Variants in LRPPRC observed in about 807,000 individuals in gnomAD.
LRPPRC encodes the protein leucine rich pentatricopeptide repeat containing, also known as leucine-rich PPR motif-containing protein, mitochondrial.
In LRPPRC, 120 loss-of-function variants were observed where a neutral mutation model predicts 180.3. That is an observed-to-expected ratio of 0.67 (90% CI 0.57 to 0.77). The LOEUF is 0.77. Ranked by LOEUF, LRPPRC falls within the 30% of genes least tolerant of loss-of-function variation. LRPPRC has a pLI of 0.00. For synonymous variants in LRPPRC, 723 were observed against 600.0 expected (o/e 1.21, Z -3.00); for missense variants, 2,012 against 1,657.2 (o/e 1.21, Z -3.72).
intron 14 of LRPPRC, among the ~76,000 whole-genome samples, chr2:43,955,739 A>G (rs1356509451): frequency 6.6e-6 from 1 of 152,152 alleles, no homozygotes; most frequent in Non-Finnish European, 1.5e-5. Flanking sequence ...CCCTATCTCA[A>G]AAAAAGAAAC....
intron 2 of LRPPRC, among the ~76,000 whole-genome samples, chr2:43,981,818 G>A (rs186711077): frequency 1.6e-4 from 24 of 152,214 alleles, no homozygotes; most frequent in Admixed American, 1.2e-3. Flanking sequence ...TTACCCTCAA[G>A]TATTTATTTA....
chr2:43,908,133 G>A (rs1031147225), intron 30 of LRPPRC, among the ~76,000 whole-genome samples: 1 of 152,114 alleles, frequency 6.6e-6, no homozygotes, highest in Admixed American at 6.5e-5. Flanking sequence ...GAAGCCAAGA[G>A]GAACGACAGA....
At chr2:43,943,126 G>C (rs926237401) in intron 23 of LRPPRC, among the ~76,000 whole-genome samples, 5 of 152,158 alleles carry the variant, frequency 3.3e-5, no homozygotes, top group African/African-American at 1.2e-4. Flanking sequence ...AAAATAGACT[G>C]ACTTTATGAT....
At chr2:43,940,808 C>T (rs1297076683) in intron 23 of LRPPRC, among the ~76,000 whole-genome samples, 1 of 152,150 alleles carries the variant, frequency 6.6e-6, no homozygotes, top group African/African-American at 2.4e-5. Flanking sequence ...ACTCTTTTAA[C>T]CTATTTTAAA....
chr2:43,991,583 G>A (rs901649715), intron 1 of LRPPRC, among the ~76,000 whole-genome samples: 1 of 152,144 alleles, frequency 6.6e-6, no homozygotes, highest in African/African-American at 2.4e-5. Context: ...AAGCAGCTCT[G>A]ATCCAGAAAT....
chr2:43,969,328 C>T (rs907810408), intron 11 of LRPPRC, among the ~76,000 whole-genome samples: 6 of 151,360 alleles, frequency 4.0e-5, no homozygotes, highest in African/African-American at 7.3e-5. Flanking sequence ...AGGAGAATGG[C>T]GTGAACCCAG....
chr2:43,891,838 G>A (rs1448209820), intron 36 of LRPPRC, among the ~76,000 whole-genome samples: 1 of 152,248 alleles, frequency 6.6e-6, no homozygotes, highest in Admixed American at 6.5e-5. Flanking sequence ...CTGAAAGCTA[G>A]GCTTCTTGCG....
chr2:43,951,604 A>G (rs1265903888), intron 14 of LRPPRC, among the ~76,000 whole-genome samples: 1 of 152,208 alleles, frequency 6.6e-6, no homozygotes, highest in African/African-American at 2.4e-5. Context: ...TTATGGGTAG[A>G]TGACAAAGAT....
Position 43,911,523 on chromosome 2 carries a change from CTTT to C in LRPPRC, c.3275+906_3275+908del, listed in dbSNP as rs531172761. Among the ~76,000 whole-genome samples the C allele has an allele frequency of 4.0e-3, 370 of 92,336 alleles. 3 individuals carry two copies. The highest frequency in any genetic ancestry group is 0.019 in the Middle Eastern group (3 of 158). The allele number at this position is 92,336 out of a possible 152,430, so 60.6% of individuals were successfully genotyped here. ...CTTTTCTTTTCTTCTTCTTCTTCTTCTTTTTTTTTTTTTTTTTTTTTGAGACAG... is the reference window on the plus strand; with the variant it reads ...CTTTTCTTTTCTTCTTCTTCTTCTTCTTTTTTTTTTTTTTTTTTGAGACAG... On this transcript the variant is annotated intron_variant, in intron 30 of 37. Transcript: ENST00000260665.
intron 1 of LRPPRC, among the ~76,000 whole-genome samples, chr2:43,991,541 C>G (rs886145929): frequency 6.6e-6 from 1 of 152,102 alleles, no homozygotes; most frequent in Non-Finnish European, 1.5e-5. Flanking sequence ...AAGTATTATG[C>G]TAAAAACCAT....
At chr2:43,905,844 G>T in intron 30 of LRPPRC, 64 bp from the exon 31 acceptor site, 1 of 1,022,416 alleles carries the variant, frequency 9.8e-7, no homozygotes, top group South Asian at 1.3e-5. Flanking sequence ...ATAAATGGTT[G>T]AGCACCAAGG....
chr2:43,952,650 T>C (rs969289410), intron 14 of LRPPRC, among the ~76,000 whole-genome samples: 3 of 152,226 alleles, frequency 2.0e-5, no homozygotes, highest in African/African-American at 2.4e-5. Context: ...ACCCAGACTT[T>C]GTACTAGGTT....
At position 43,947,137 on chromosome 2, in the gene LRPPRC, C is replaced by CT. The variant is rs891338486; in HGVS notation, c.2079+119dup. The CT allele has an allele frequency of 1.5e-5, 9 of 585,260 alleles. No homozygotes were observed. In the African/African-American group the frequency reaches 1.7e-4, roughly 11 times the overall value. 36.3% of individuals were successfully genotyped at this position (585,260 alleles called of 1,614,324 possible). Reference sequence around the variant, plus strand: ...AGTTAACCTTTCATTTAATTGCATTCTTTACAAGCCTGACATATAACGATC... The same window carrying CT: ...AGTTAACCTTTCATTTAATTGCATTCTTTTACAAGCCTGACATATAACGATC... On this transcript the variant is annotated intron_variant, in intron 20 of 37. Transcript: ENST00000260665.
chr2:43,939,268 G>C (rs1047772944), intron 23 of LRPPRC, among the ~76,000 whole-genome samples: 1 of 151,602 alleles, frequency 6.6e-6, no homozygotes, highest in African/African-American at 2.4e-5. Flanking sequence ...GAGACAGCAA[G>C]ACTCCGTCTC....
chr2:43,995,094 A>T (rs1674966430), intron 1 of LRPPRC, among the ~76,000 whole-genome samples: 1 of 152,016 alleles, frequency 6.6e-6, no homozygotes, highest in African/African-American at 2.4e-5. Context: ...TACAAAAGTT[A>T]GCCTGGCATG....
intron 11 of LRPPRC, among the ~76,000 whole-genome samples, chr2:43,964,985 AG>A (rs1673492604): frequency 6.6e-6 from 1 of 152,178 alleles, no homozygotes; most frequent in South Asian, 2.1e-4. Flanking sequence ...GGTCAAGTCC[AG>A]CCTGGGCAAC....
At chr2:43,975,454 C>T (rs1380278252) in intron 6 of LRPPRC, among the ~76,000 whole-genome samples, 1 of 152,080 alleles carries the variant, frequency 6.6e-6, no homozygotes, top group Non-Finnish European at 1.5e-5. Context: ...ATAACATACC[C>T]TCTTAATATT....
chr2:43,948,231 C>G (rs749319352), intron 17 of LRPPRC, 32 bp from the exon 18 acceptor site: 89 of 1,252,672 alleles, frequency 7.1e-5, no homozygotes, highest in Non-Finnish European at 9.8e-5. Flanking sequence ...GGGAAAAAAC[C>G]TGAGTTTTAG....
intron 13 of LRPPRC, chr2:43,958,896 G>A (rs1016997278): frequency 7.5e-6 from 2 of 266,446 alleles, no homozygotes; most frequent in Non-Finnish European, 1.4e-5. Context: ...CAAATACTTG[G>A]CAAACTTCTT....
Sources: allele counts gnomAD v4.1 joint callset (sites outside exome capture counted in the v4.1 genomes callset), GRCh38; gene constraint gnomAD v4.1.1; transcripts MANE v1.5; gene names NCBI Gene and HGNC (gene_info 2026-07-23, HGNC 2026-07-21).